Variants in HCN1 observed in about 807,000 individuals in gnomAD.
HCN1 encodes the protein hyperpolarization activated cyclic nucleotide gated potassium channel 1, also known as potassium/sodium hyperpolarization-activated cyclic nucleotide-gated channel 1.
A neutral mutation model predicts 78.9 loss-of-function variants in HCN1; 13 were observed. That is an observed-to-expected ratio of 0.16 (90% CI 0.11 to 0.26). The LOEUF (loss-of-function observed/expected upper bound fraction) is 0.26. Ranked by LOEUF, HCN1 falls within the 10% of genes least tolerant of loss-of-function variation. The probability of loss-of-function intolerance (pLI) is 1.00; values close to 1 mark genes in which losing one functional copy is unlikely to be tolerated. For missense variants in HCN1, 810 were observed against 1,154.3 expected, an observed-to-expected ratio of 0.70 and a Z score of 4.32; for synonymous variants, 552 against 455.5, an observed-to-expected ratio of 1.21 and a Z score of -2.70.
chr5:45,592,118 T>C (rs1283567467), intron 2 of HCN1, among the ~76,000 whole-genome samples: 1 of 152,218 alleles, frequency 6.6e-6, no homozygotes, highest in African/African-American at 2.4e-5. Flanking sequence ...TGTAGGTCTA[T>C]TTCTGGGCTC....
intron 2 of HCN1, among the ~76,000 whole-genome samples, chr5:45,589,550 T>C (rs1211122938): frequency 1.3e-5 from 2 of 152,190 alleles, no homozygotes; most frequent in Non-Finnish European, 2.9e-5. Context: ...GCATGTTGGT[T>C]GATTATGAAC....
intron 2 of HCN1, among the ~76,000 whole-genome samples, chr5:45,495,577 T>C (rs993978541): frequency 4.6e-5 from 7 of 152,216 alleles, no homozygotes; most frequent in African/African-American, 1.4e-4. Flanking sequence ...CTTTTCCTAA[T>C]TGAATACACT....
At chr5:45,659,022 C>T (rs1028700164) in intron 1 of HCN1, among the ~76,000 whole-genome samples, 3 of 151,408 alleles carry the variant, frequency 2.0e-5, no homozygotes, top group African/African-American at 7.3e-5. Context: ...AACAAAAAGA[C>T]AGCAGTAACC....
At chr5:45,392,680 T>C (rs1739601226) in intron 4 of HCN1, among the ~76,000 whole-genome samples, 1 of 150,538 alleles carries the variant, frequency 6.6e-6, no homozygotes, top group Admixed American at 6.6e-5. Context: ...CTACTAAAAA[T>C]ACAAAAATTA....
At chr5:45,413,375 T>C (rs1382522818) in intron 3 of HCN1, among the ~76,000 whole-genome samples, 1 of 152,112 alleles carries the variant, frequency 6.6e-6, no homozygotes, top group Admixed American at 6.6e-5. Context: ...AAGAGGTAAA[T>C]GTATTGATAT....
intron 6 of HCN1, 137 bp downstream of exon 6, chr5:45,303,462 A>T: frequency 3.7e-6 from 3 of 813,346 alleles, no homozygotes; most frequent in East Asian, 2.6e-5. Context: ...AAACACTGTT[A>T]TAGACACTTT....
At chr5:45,372,397 T>A (rs540595373) in intron 4 of HCN1, among the ~76,000 whole-genome samples, 1 of 117,330 alleles carries the variant, frequency 8.5e-6, no homozygotes, top group South Asian at 2.5e-4. Context: ...ATGTAAATTA[T>A]ATAAAATATA....
intron 3 of HCN1, among the ~76,000 whole-genome samples, chr5:45,438,072 T>G (rs900303157): frequency 6.6e-6 from 1 of 152,196 alleles, no homozygotes; most frequent in Non-Finnish European, 1.5e-5. Flanking sequence ...ATATCATAAC[T>G]TCTAACATAT....
intron 1 of HCN1, among the ~76,000 whole-genome samples, chr5:45,686,277 A>G (rs1739808436): frequency 6.6e-6 from 1 of 151,866 alleles, no homozygotes; most frequent in Non-Finnish European, 1.5e-5. Context: ...GATTATAAGG[A>G]GAACATATAA....
At chr5:45,437,787 T>A (rs564502934) in intron 3 of HCN1, among the ~76,000 whole-genome samples, 2 of 152,356 alleles carry the variant, frequency 1.3e-5, no homozygotes, top group South Asian at 4.1e-4. Flanking sequence ...AAAAGAATAC[T>A]TTATTATTTC....
intron 4 of HCN1, among the ~76,000 whole-genome samples, chr5:45,388,146 A>AAT (rs1182782117): frequency 6.6e-6 from 1 of 152,040 alleles, no homozygotes; most frequent in Non-Finnish European, 1.5e-5. Flanking sequence ...GCCCATTCAA[A>AAT]ATATATGAAC....
At chr5:45,426,668 C>G (rs1740353888) in intron 3 of HCN1, among the ~76,000 whole-genome samples, 1 of 152,034 alleles carries the variant, frequency 6.6e-6, no homozygotes, top group South Asian at 2.1e-4. Flanking sequence ...TATAAATTAC[C>G]CAGTCTCAGG....
intron 5 of HCN1, among the ~76,000 whole-genome samples, chr5:45,309,601 T>C (rs1006443995): frequency 6.6e-5 from 10 of 152,192 alleles, no homozygotes; most frequent in African/African-American, 2.4e-4. Flanking sequence ...ATCAAAAGCC[T>C]TTCCTGCATC....
intron 2 of HCN1, among the ~76,000 whole-genome samples, chr5:45,626,980 G>A (rs1009165360): frequency 6.6e-6 from 1 of 150,416 alleles, no homozygotes; most frequent in Non-Finnish European, 1.5e-5. Context: ...ATATATATAT[G>A]TATATATAAC....
intron 6 of HCN1, among the ~76,000 whole-genome samples, chr5:45,282,720 GTGT>G (rs1463632703): frequency 6.6e-6 from 1 of 152,086 alleles, no homozygotes; most frequent in Non-Finnish European, 1.5e-5. Context: ...GCTTCATTCT[GTGT>G]TATGGGAAAT....
At chr5:45,613,700 A>G (rs1406162834) in intron 2 of HCN1, among the ~76,000 whole-genome samples, 1 of 152,086 alleles carries the variant, frequency 6.6e-6, no homozygotes, top group Admixed American at 6.6e-5. Context: ...AATAGCAAAG[A>G]CTTGGAACCA....
At chr5:45,332,273 A>G (rs1448259897) in intron 5 of HCN1, among the ~76,000 whole-genome samples, 1 of 151,526 alleles carries the variant, frequency 6.6e-6, no homozygotes, top group Admixed American at 6.6e-5. Context: ...TTGTATGAGT[A>G]GTAATCACAT....
chr5:45,657,647 C>T lies in HCN1; in HGVS notation c.426-12039G>A, dbSNP rs1011132914. ...AGTGAACTCCCATTTACAATTGCTTCAAAGAGAATAAAATACCTAGGAATC... is the reference window on the plus strand; with the variant it reads ...AGTGAACTCCCATTTACAATTGCTTTAAAGAGAATAAAATACCTAGGAATC... On this transcript the variant is annotated intron_variant, in intron 1 of 7. Transcript: ENST00000303230. Among the ~76,000 whole-genome samples, 3 of 152,074 alleles carry T rather than the reference C, an allele frequency of 2.0e-5. No individual in the cohort carries two copies. The East Asian group carries it at 5.8e-4, about 29-fold the overall frequency.
intron 7 of HCN1, among the ~76,000 whole-genome samples, chr5:45,266,776 T>C (rs1362108467): frequency 2.0e-5 from 3 of 151,824 alleles, no homozygotes; most frequent in Non-Finnish European, 4.4e-5. Context: ...TGGTACCATC[T>C]TGGTTCAGGG....
Sources: allele counts gnomAD v4.1 joint callset (sites outside exome capture counted in the v4.1 genomes callset), GRCh38; gene constraint gnomAD v4.1.1; transcripts MANE v1.5; gene names NCBI Gene and HGNC (gene_info 2026-07-23, HGNC 2026-07-21).